The following SUMF1 variants were observed in gnomAD, a reference collection of about 807,000 sequenced individuals.
SUMF1 encodes formylglycine-generating enzyme.
In SUMF1, 48 loss-of-function variants were observed where a neutral mutation model predicts 47.6. The ratio of observed to expected loss-of-function variants is 1.01; its 90% CI spans 0.80 to 1.28. The LOEUF (loss-of-function observed/expected upper bound fraction) is 1.28. Ranked by LOEUF, SUMF1 falls within the 50% of genes most tolerant of loss-of-function variation. The pLI is 0.00. For synonymous variants in SUMF1, 230 were observed against 192.1 expected, an observed-to-expected ratio of 1.20 and a Z score of -1.63; for missense variants, 571 against 485.4, an observed-to-expected ratio of 1.18 and a Z score of -1.66.
intron 8 of SUMF1, among the ~76,000 whole-genome samples, chr3:4,240,230 T>G (rs1242682526): frequency 6.6e-6 from 1 of 151,970 alleles, no homozygotes; most frequent in Non-Finnish European, 1.5e-5. Flanking sequence ...TGAAATATTC[T>G]TTTTTTTGTT....
chr3:4,177,912 C>A (rs921533289), intron 8 of SUMF1, among the ~76,000 whole-genome samples: 4 of 152,144 alleles, frequency 2.6e-5, no homozygotes, highest in African/African-American at 9.7e-5. Flanking sequence ...ACTATAAACA[C>A]CTCTACGCAA....
rs557177854 is a variant in SUMF1 at position 4,096,736 on chromosome 3, G to A, written c.1015-27991C>T. The stretch of plus-strand genomic sequence containing the variant: ...GAAAAACTCTGGTGGTATCTTAGTC[G>A]AGGGTCACAAATGGAAATGTCCACA... On this transcript the variant is annotated intron_variant and NMD_transcript_variant, in intron 8 of 12. Coordinates refer to the SUMF1 transcript ENST00000448413. Among the ~76,000 whole-genome samples, 39 of 152,188 alleles carry A rather than the reference G, an allele frequency of 2.6e-4. 1 individual carries two copies. Among genetic ancestry groups the A allele is most frequent in the African/African-American group, 8.9e-4 (37 of 41,506 alleles).
intron 8 of SUMF1, among the ~76,000 whole-genome samples, chr3:4,306,140 G>T (rs980184677): frequency 6.6e-6 from 1 of 152,152 alleles, no homozygotes; most frequent in African/African-American, 2.4e-5. Flanking sequence ...TATTCCTGCC[G>T]TGCGTGTGTG....
chr3:4,196,667 C>G (rs994474028), intron 8 of SUMF1, among the ~76,000 whole-genome samples: 1 of 152,084 alleles, frequency 6.6e-6, no homozygotes, highest in Non-Finnish European at 1.5e-5. Context: ...ACCTCTAACC[C>G]TTTTCCCTCT....
At chr3:4,406,317 C>T (rs1186153368) in intron 7 of SUMF1, among the ~76,000 whole-genome samples, 1 of 152,134 alleles carries the variant, frequency 6.6e-6, no homozygotes, top group Non-Finnish European at 1.5e-5. Flanking sequence ...TATTAAGTGG[C>T]AGAGCTGTAA....
chr3:4,250,206 G>C (rs1283707321), intron 8 of SUMF1, among the ~76,000 whole-genome samples: 1 of 148,058 alleles, frequency 6.8e-6, no homozygotes, highest in Non-Finnish European at 1.5e-5. Context: ...AGTGAAGGGA[G>C]AGAAAAGAAA....
rs144022014 is a variant in SUMF1 at position 4,228,674 on chromosome 3, C to G, written c.1014+147656G>C. On this transcript the variant is annotated intron_variant and NMD_transcript_variant, in intron 8 of 12. Coordinates refer to the SUMF1 transcript ENST00000448413. Reference sequence around the variant, plus strand: ...TTTAAATAAAAGGACATTCAATATTCTTTCCTCCAGCTTTCCAAGGTCCCA... The same window carrying G: ...TTTAAATAAAAGGACATTCAATATTGTTTCCTCCAGCTTTCCAAGGTCCCA... Among the ~76,000 whole-genome samples, 18 of 152,258 alleles carry G rather than the reference C, an allele frequency of 1.2e-4. No homozygotes were observed. In the East Asian group the frequency reaches 2.7e-3, roughly 23 times the overall value.
chr3:4,273,695 G>C (rs1271171372), intron 8 of SUMF1, among the ~76,000 whole-genome samples: 1 of 105,572 alleles, frequency 9.5e-6, no homozygotes, highest in Non-Finnish European at 1.9e-5. Flanking sequence ...AAGGGAGGGA[G>C]GATACGGGAG....
chr3:4,459,185 T>A lies in SUMF1; in HGVS notation c.271-6136A>T, dbSNP rs564830579. 2.6e-5 allele frequency among the ~76,000 whole-genome samples: 4 copies of A among 152,306 alleles called. No individual in the cohort carries two copies. In the East Asian group the frequency reaches 7.7e-4, roughly 29 times the overall value. ...ATTTCGCAATTATTAAAAAATAGAT[T>A]TTAAATGTTTCCACCACACAAAAAA... On this transcript the variant is annotated intron_variant, in intron 1 of 8. Transcript: ENST00000272902.
rs145777039 is a variant in SUMF1 at position 4,079,553 on chromosome 3, C to G, written c.1015-10808G>C. Reference sequence around the variant, plus strand: ...GATCAAAGTCTTGCTTCACTGTTTGCTGATAGAAACTTGCTTAAGTTTGCA... The same window carrying G: ...GATCAAAGTCTTGCTTCACTGTTTGGTGATAGAAACTTGCTTAAGTTTGCA... On this transcript the variant is annotated intron_variant and NMD_transcript_variant, in intron 8 of 12. Transcript: ENST00000448413. Among the ~76,000 whole-genome samples, 110 of 151,918 alleles carry G rather than the reference C, an allele frequency of 7.2e-4. 1 individual carries two copies. The East Asian group carries it at 0.014, about 20-fold the overall frequency.
intron 8 of SUMF1, among the ~76,000 whole-genome samples, chr3:4,177,552 A>C (rs1197018189): frequency 6.6e-6 from 1 of 152,192 alleles, no homozygotes; most frequent in Non-Finnish European, 1.5e-5. Flanking sequence ...GTGTAGAGGG[A>C]AATTTATAGC....
chr3:4,265,771 T>C (rs1688950900), intron 8 of SUMF1, among the ~76,000 whole-genome samples: 1 of 152,226 alleles, frequency 6.6e-6, no homozygotes, highest in African/African-American at 2.4e-5. Context: ...TTGTTGCCAT[T>C]GCTTTTAGTG....
At chr3:4,235,102 C>A (rs1696380057) in intron 8 of SUMF1, among the ~76,000 whole-genome samples, 1 of 152,114 alleles carries the variant, frequency 6.6e-6, no homozygotes, top group African/African-American at 2.4e-5. Context: ...AGTAACCTAG[C>A]TGAGAAACAA....
intron 7 of SUMF1, among the ~76,000 whole-genome samples, chr3:4,393,846 T>C (rs1700955796): frequency 6.6e-6 from 1 of 152,082 alleles, no homozygotes; most frequent in Non-Finnish European, 1.5e-5. Context: ...GTTTTTTCTT[T>C]ACAATTTTGT....
intron 8 of SUMF1, among the ~76,000 whole-genome samples, chr3:4,337,987 C>G (rs1699190380): frequency 6.6e-6 from 1 of 152,192 alleles, no homozygotes; most frequent in Admixed American, 6.5e-5. Context: ...AATCCTTTAT[C>G]TTCAACAGAC....
At chr3:4,263,883 C>CTTATT (rs1020242906) in intron 8 of SUMF1, among the ~76,000 whole-genome samples, 1 of 152,074 alleles carries the variant, frequency 6.6e-6, no homozygotes, top group African/African-American at 2.4e-5. Context: ...AATTGAGTTG[C>CTTATT]TTATTTTATT....
At chr3:4,359,820 T>A (rs949268906), downstream of SUMF1, among the ~76,000 whole-genome samples, 7 of 152,106 alleles carry the variant, frequency 4.6e-5, no homozygotes, top group Non-Finnish European at 1.0e-4. Flanking sequence ...GAGATTTGGG[T>A]GGGGACGCAG....
chr3:4,356,040 T>G (rs942030339), intron 8 of SUMF1, among the ~76,000 whole-genome samples: 4 of 152,242 alleles, frequency 2.6e-5, no homozygotes. Context: ...AATCAAAAAA[T>G]TAATTAAACT....
chr3:4,337,714 T>C (rs1699184114), intron 8 of SUMF1, among the ~76,000 whole-genome samples: 2 of 152,194 alleles, frequency 1.3e-5, no homozygotes, highest in African/African-American at 4.8e-5. Flanking sequence ...CTAAAACCCA[T>C]TTCTCCTATC....
Sources: gnomAD v4.1 joint callset for allele counts (sites outside exome capture counted in the v4.1 genomes callset) on GRCh38, gnomAD v4.1.1 for gene constraint, MANE v1.5 for transcripts, NCBI Gene and HGNC (gene_info 2026-07-23, HGNC 2026-07-21) for gene names.